Variants in DLEC1 observed in about 807,000 individuals in gnomAD.
DLEC1 encodes the protein deleted in lung and esophageal cancer protein 1.
Under a neutral mutation model 198.1 loss-of-function variants are expected in DLEC1, and 146 were observed. That is an observed-to-expected ratio of 0.74 (90% CI 0.64 to 0.85). DLEC1 has a LOEUF of 0.85. DLEC1 is among the 40% of genes least tolerant of loss of function. The pLI is 0.00. For synonymous variants in DLEC1, 897 were observed against 866.8 expected (o/e 1.03, Z -0.61); for missense variants, 2,233 against 2,220.0 (o/e 1.01, Z -0.12).
chr3:38,051,305 C>A (rs1470208544), intron 2 of DLEC1, among the ~76,000 whole-genome samples: 1 of 152,262 alleles, frequency 6.6e-6, no homozygotes, highest in Non-Finnish European at 1.5e-5. Flanking sequence ...GGACTGATCG[C>A]TCAGCGGCAG....
At chr3:38,084,070 C>A (rs1439026297) in intron 6 of DLEC1, 88 bp from the exon 7 acceptor site, 3 of 1,316,238 alleles carry the variant, frequency 2.3e-6, no homozygotes, top group Non-Finnish European at 3.2e-6. Flanking sequence ...ACCTCTACCC[C>A]CTTCTCATAT....
At chr3:38,053,319 G>A (rs562089904) in intron 2 of DLEC1, among the ~76,000 whole-genome samples, 21 of 148,110 alleles carry the variant, frequency 1.4e-4, no homozygotes, top group East Asian at 1.2e-3. Context: ...GCCTCTTCCC[G>A]GCCGCCATCC....
intron 31 of DLEC1, 59 bp downstream of exon 31, chr3:38,117,361 C>T (rs975117089): frequency 6.3e-7 from 1 of 1,598,646 alleles, no homozygotes; most frequent in African/African-American, 1.3e-5. Context: ...CCTCACCAGG[C>T]ACTGGTGGAG....
At chr3:38,085,594 C>T in intron 8 of DLEC1, 147 bp downstream of exon 8, 1 of 948,728 alleles carries the variant, frequency 1.1e-6, no homozygotes, top group Non-Finnish European at 1.5e-6. Flanking sequence ...AAACTGCTAG[C>T]AGCTTCTGTA....
At chr3:38,049,155 A>G (rs188274621) in intron 2 of DLEC1, among the ~76,000 whole-genome samples, 61 of 151,856 alleles carry the variant, frequency 4.0e-4, no homozygotes, top group Non-Finnish European at 4.4e-4. Context: ...AATGACTTTC[A>G]TTTTATTTTT....
intron 6 of DLEC1, among the ~76,000 whole-genome samples, chr3:38,080,755 CAG>C (rs1559425014): frequency 6.8e-6 from 1 of 147,482 alleles, no homozygotes; most frequent in African/African-American, 2.5e-5. Flanking sequence ...GAGGCAAACA[CAG>C]AGAGAAGAGA....
intron 8 of DLEC1, among the ~76,000 whole-genome samples, chr3:38,085,733 A>G (rs1443416193): frequency 2.6e-5 from 4 of 152,138 alleles, no homozygotes; most frequent in Non-Finnish European, 2.9e-5. Context: ...GCTTATGAAC[A>G]TCCCTGAGGG....
At position 38,109,475 on chromosome 3, in the gene DLEC1, TGAA is replaced by T; in HGVS notation, c.3178_3180del (p.Lys1060del). 1 of 1,614,208 alleles carries T rather than the reference TGAA, an allele frequency of 6.2e-7. No homozygotes were observed. Among genetic ancestry groups the T allele is most frequent in the Non-Finnish European group, 8.5e-7 (1 of 1,180,008 alleles). On this transcript the variant is annotated inframe_deletion, in exon 22 of 37. Coordinates refer to ENST00000308059, the MANE Select transcript of DLEC1 (RefSeq NM_007335.4). ...GCCCTCCCTTGTCACGTGTCAGGCATGAAGAAGCCACTGGTTCTAGGCATTTCT... is the reference window on the plus strand; with the variant it reads ...GCCCTCCCTTGTCACGTGTCAGGCATGAAGCCACTGGTTCTAGGCATTTCT...
intron 6 of DLEC1, 32 bp downstream of exon 6, chr3:38,063,951 C>G: frequency 1.4e-6 from 2 of 1,424,690 alleles, no homozygotes; most frequent in South Asian, 2.5e-5. Flanking sequence ...AGCTCCCACC[C>G]CATCTGCTTT....
chr3:38,066,953 A>G (rs953573521), intron 6 of DLEC1, among the ~76,000 whole-genome samples: 3 of 152,212 alleles, frequency 2.0e-5, no homozygotes, highest in Non-Finnish European at 4.4e-5. Flanking sequence ...CACCCAGAGG[A>G]AAGGAGCTAA....
At chr3:38,115,201 G>A in intron 27 of DLEC1, 148 bp downstream of exon 27, 1 of 760,720 alleles carries the variant, frequency 1.3e-6, no homozygotes. Flanking sequence ...AGTGTGGATG[G>A]GCCCACAGAT....
At chr3:38,107,236 G>A (rs376335578) in intron 19 of DLEC1, among the ~76,000 whole-genome samples, 178 of 152,270 alleles carry the variant, frequency 1.2e-3, no homozygotes, top group African/African-American at 4.2e-3. Context: ...TAACCATTCT[G>A]AAATACGCCC....
intron 2 of DLEC1, chr3:38,052,464 T>A (rs1701169412): frequency 9.4e-6 from 2 of 212,104 alleles, no homozygotes; most frequent in Non-Finnish European, 2.0e-5. Context: ...AAGAGGGAGC[T>A]GAAACCAGAA....
chr3:38,108,305 A>G (rs1458552716), intron 20 of DLEC1, 100 bp from the exon 21 acceptor site: 3 of 992,482 alleles, frequency 3.0e-6, no homozygotes, highest in Non-Finnish European at 4.6e-6. Context: ...CCAGTCTGCC[A>G]GTCTCCAGCA....
chr3:38,093,569 G>C (rs1260485332), intron 11 of DLEC1, 36 bp from the exon 12 acceptor site: 1 of 1,613,128 alleles, frequency 6.2e-7, no homozygotes, highest in Admixed American at 1.7e-5. Context: ...CAGCCCTAGT[G>C]AGCCTTCACT....
At chr3:38,089,872 T>G (rs1698653975) in intron 10 of DLEC1, among the ~76,000 whole-genome samples, 1 of 152,198 alleles carries the variant, frequency 6.6e-6, no homozygotes, top group African/African-American at 2.4e-5. Flanking sequence ...GAAATACATT[T>G]GCATGATTAA....
chr3:38,078,129 G>A (rs1021498015), intron 6 of DLEC1, among the ~76,000 whole-genome samples: 1 of 152,180 alleles, frequency 6.6e-6, no homozygotes, highest in South Asian at 2.1e-4. Context: ...GGGGTCAGGT[G>A]TGTTATCAGG....
At chr3:38,085,509 G>A (rs1698406524) in intron 8 of DLEC1, 62 bp downstream of exon 8, 2 of 1,580,048 alleles carry the variant, frequency 1.3e-6, no homozygotes, top group Non-Finnish European at 1.7e-6. Flanking sequence ...CATAAGGACT[G>A]CCTGCCTCTC....
Position 38,097,767 on chromosome 3 carries a change from C to T in DLEC1, c.2589C>T (p.Val863=). The part of the protein sequence containing the change: ...VFKGPALIIN[V]SALQFGLLRL... ...AGGGGCCTGCCCTCATCATCAACGTCTCAGCCCTTCAGTTTGGTCTGCTCC... is the reference window on the plus strand; with the variant it reads ...AGGGGCCTGCCCTCATCATCAACGTTTCAGCCCTTCAGTTTGGTCTGCTCC... Residue 863 remains valine (V), a synonymous_variant, in exon 18 of 37, where the codon GTC becomes GTT. Transcript: ENST00000308059. 2 of 1,614,174 alleles carry T rather than the reference C, an allele frequency of 1.2e-6. No individual in the cohort carries two copies. Among genetic ancestry groups the T allele is most frequent in the Non-Finnish European group, 1.7e-6 (2 of 1,180,026 alleles).
Sources: allele counts gnomAD v4.1 joint callset (sites outside exome capture counted in the v4.1 genomes callset), GRCh38; gene constraint gnomAD v4.1.1; transcripts MANE v1.5; gene names NCBI Gene and HGNC (gene_info 2026-07-23, HGNC 2026-07-21).